The following CFAP70 variants were observed in gnomAD, a reference collection of about 807,000 sequenced individuals.
CFAP70 encodes the protein cilia and flagella associated protein 70, also known as cilia- and flagella-associated protein 70.
Under a neutral mutation model 137.6 loss-of-function variants are expected in CFAP70, and 81 were observed. The ratio of observed to expected loss-of-function variants is 0.59; its 90% CI spans 0.49 to 0.71. The LOEUF (loss-of-function observed/expected upper bound fraction) is 0.71. CFAP70 is among the 30% of genes least tolerant of loss of function. CFAP70 has a pLI of 0.00. For missense variants in CFAP70, 976 were observed against 1,226.7 expected, an observed-to-expected ratio of 0.80 and a Z score of 3.05; for synonymous variants, 382 against 423.6, an observed-to-expected ratio of 0.90 and a Z score of 1.20.
chr10:73,258,794 T>G (rs2133543978), intron 25 of CFAP70, among the ~76,000 whole-genome samples: 1 of 152,272 alleles, frequency 6.6e-6, no homozygotes, highest in Non-Finnish European at 1.5e-5. Flanking sequence ...ATATAAGGGA[T>G]GAAAAAAGCC....
At position 73,266,211 on chromosome 10, in the gene CFAP70, C is replaced by T. The variant is rs556450032; in HGVS notation, c.3027+3403G>A. On this transcript the variant is annotated intron_variant, in intron 25 of 26. Coordinates refer to ENST00000310715, the Ensembl canonical transcript of CFAP70. ...GCAACTTTGTCCATCCACTTCTTTGCGTTAATCTTCATTGACTAAATTTAT... is the reference window on the plus strand; with the variant it reads ...GCAACTTTGTCCATCCACTTCTTTGTGTTAATCTTCATTGACTAAATTTAT... Among the ~76,000 whole-genome samples, 24 of 152,052 alleles carry T rather than the reference C, an allele frequency of 1.6e-4. 1 individual carries two copies. The highest frequency in any genetic ancestry group is 1.0e-3 in the Admixed American group (16 of 15,254).
At chr10:73,324,514 G>T (rs2051199772) in intron 8 of CFAP70, among the ~76,000 whole-genome samples, 1 of 152,168 alleles carries the variant, frequency 6.6e-6, no homozygotes, top group African/African-American at 2.4e-5. Flanking sequence ...GAGAGAAGAA[G>T]GCTTCAGACG....
At chr10:73,303,634 T>C (rs1278588567) in intron 12 of CFAP70, among the ~76,000 whole-genome samples, 1 of 152,136 alleles carries the variant, frequency 6.6e-6, no homozygotes, top group Non-Finnish European at 1.5e-5. Context: ...CACAAAAAAG[T>C]CCAAAAACAT....
intron 20 of CFAP70, 59 bp from the exon 22 acceptor site, chr10:73,277,420 T>G: frequency 6.3e-7 from 1 of 1,580,452 alleles, no homozygotes; most frequent in Non-Finnish European, 8.6e-7. Flanking sequence ...GTGTCAGAAA[T>G]TCAGACACAT....
At chr10:73,312,619 G>A (rs761035849) in exon 10 of CFAP70, 47 of 1,586,224 alleles carry the variant, frequency 3.0e-5, no homozygotes, top group Non-Finnish European at 3.8e-5. Flanking sequence ...CCAATATCCC[G>A]GAACAAGCTC....
chr10:73,304,866 C>T (rs1283548324), intron 12 of CFAP70, among the ~76,000 whole-genome samples: 1 of 151,394 alleles, frequency 6.6e-6, no homozygotes, highest in East Asian at 1.9e-4. Context: ...AAAACACACA[C>T]ACCAGAAACT....
intron 8 of CFAP70, among the ~76,000 whole-genome samples, chr10:73,323,859 G>A (rs2051120758): frequency 1.3e-5 from 2 of 152,258 alleles, no homozygotes; most frequent in African/African-American, 2.4e-5. Context: ...ACAGCTCAAG[G>A]AGGCCTGCCT....
At position 73,259,135 on chromosome 10, in the gene CFAP70, C is replaced by A. The variant is rs555986054; in HGVS notation, c.3028-2719G>T. ...TGGCTTGGGGCATCACGGAACCTGC[C>A]GATGTGTGATGTCTCCCCTGGACAC... is the stretch of plus-strand genomic sequence containing the variant. On this transcript the variant is annotated intron_variant, in intron 25 of 26. Transcript: ENST00000310715. 2.3e-4 allele frequency among the ~76,000 whole-genome samples: 35 copies of A among 152,142 alleles called. 1 individual carries two copies. Among genetic ancestry groups the A allele is most frequent in the Middle Eastern group, 3.4e-3 (1 of 294 alleles).
chr10:73,308,146 C>A (rs1309804750), intron 12 of CFAP70, among the ~76,000 whole-genome samples: 1 of 151,724 alleles, frequency 6.6e-6, no homozygotes, highest in Non-Finnish European at 1.5e-5. Flanking sequence ...CAGAGCGAGA[C>A]TCTATCTAAA....
chr10:73,345,954 T>C (rs113370867), intron 4 of CFAP70, among the ~76,000 whole-genome samples: 15,670 of 151,028 alleles, frequency 0.1, 1,157 homozygotes, highest in East Asian at 0.3. Context: ...GGCTGGTGTG[T>C]AGTGGCATGA....
At chr10:73,360,344 G>A (rs113952710), upstream of CFAP70, among the ~76,000 whole-genome samples, 7,236 of 152,130 alleles carry the variant, frequency 0.048, 521 homozygotes, top group African/African-American at 0.16. Flanking sequence ...ACATACACAT[G>A]TACACACACA....
At chr10:73,314,278 T>C (rs1035495560) in intron 9 of CFAP70, among the ~76,000 whole-genome samples, 1 of 152,230 alleles carries the variant, frequency 6.6e-6, no homozygotes, top group Non-Finnish European at 1.5e-5. Flanking sequence ...GTCAAAACTT[T>C]AATATTGTAC....
At chr10:73,310,393 A>G in intron 11 of CFAP70, 144 bp from the exon 13 acceptor site, 1 of 453,980 alleles carries the variant, frequency 2.2e-6, no homozygotes, top group Non-Finnish European at 3.9e-6. Flanking sequence ...CTGTTAAAAT[A>G]CTTTTCACAT....
chr10:73,358,480 G>A (rs1589627635), intron 1 of CFAP70, among the ~76,000 whole-genome samples: 1 of 152,366 alleles, frequency 6.6e-6, no homozygotes, highest in East Asian at 1.9e-4. Context: ...GGCCTCCGAC[G>A]AGAAGCGGTA....
rs533924278 is a variant in CFAP70 at position 73,310,070 on chromosome 10, A to G, written c.1256+88T>C. On this transcript the variant is annotated intron_variant, in intron 12 of 26. Transcript: ENST00000310715. ...AACCAGATAACTCCTGCTTAGCCCA[A>G]GGGAAATTACAATCGTGGGGACAAT... 6.5e-5 allele frequency: 52 copies of G among 803,444 alleles called. 1 individual carries two copies. The South Asian group carries it at 9.4e-4, about 14-fold the overall frequency. The allele number at this position is 803,444 out of a possible 1,614,324, so 49.8% of individuals were successfully genotyped here. A position where few individuals can be genotyped will look rare whatever the true frequency, so the allele number is the denominator to read the frequency against.
chr10:73,276,118 T>C (rs1466465821), intron 21 of CFAP70: 1 of 151,538 alleles, frequency 6.6e-6, no homozygotes, highest in African/African-American at 2.4e-5. Flanking sequence ...TTTTTTTTTT[T>C]CTTTTTTTAG....
chr10:73,291,779 TTAACAACACGG>T (rs1206612443), intron 17 of CFAP70, 24 bp from the exon 19 acceptor site: 19 of 1,613,712 alleles, frequency 1.2e-5, no homozygotes, highest in Non-Finnish European at 1.4e-5. Context: ...ACCAACATGA[TTAACAACACGG>T]TCCCATGTCA....
chr10:73,306,030 G>T (rs754747639), intron 12 of CFAP70, among the ~76,000 whole-genome samples: 1 of 151,994 alleles, frequency 6.6e-6, no homozygotes. Flanking sequence ...GAGCTTAAAA[G>T]TACAATATTT....
intron 5 of CFAP70, among the ~76,000 whole-genome samples, chr10:73,343,634 G>A (rs561899803): frequency 4.0e-5 from 6 of 151,880 alleles, no homozygotes; most frequent in South Asian, 2.1e-4. Flanking sequence ...GCTTGAACCC[G>A]GGAGGCACAG....
Sources: gnomAD v4.1 joint callset for allele counts (sites outside exome capture counted in the v4.1 genomes callset) on GRCh38, gnomAD v4.1.1 for gene constraint, MANE v1.5 for transcripts, NCBI Gene and HGNC (gene_info 2026-07-23, HGNC 2026-07-21) for gene names.